FYCO1: variants seen among roughly 807,000 people sequenced by gnomAD.
FYCO1 encodes the protein FYVE and coiled-coil domain-containing protein 1.
FYCO1 carries 122 observed loss-of-function variants against 165.1 expected under a neutral mutation model. That is an observed-to-expected ratio of 0.74 (90% CI 0.64 to 0.86). The LOEUF is 0.86. Among genes scored for constraint, FYCO1 ranks in the 40% least tolerant of loss-of-function variants. The pLI is 0.00. For missense variants in FYCO1, 1,702 were observed against 1,810.3 expected, an observed-to-expected ratio of 0.94 and a Z score of 1.09; for synonymous variants, 648 against 742.5, an observed-to-expected ratio of 0.87 and a Z score of 2.07.
At chr3:45,991,302 CT>C (rs1707550612) in intron 1 of FYCO1, among the ~76,000 whole-genome samples, 1 of 152,190 alleles carries the variant, frequency 6.6e-6, no homozygotes, top group Non-Finnish European at 1.5e-5. Context: ...TCCACACTGC[CT>C]ACCTAGCCTC....
intron 8 of FYCO1, among the ~76,000 whole-genome samples, 170 bp from the exon 9 acceptor site, chr3:45,965,295 T>C (rs1181122936): frequency 6.6e-6 from 1 of 152,254 alleles, no homozygotes; most frequent in Non-Finnish European, 1.5e-5. Context: ...TCAAGCTTAC[T>C]AAGAAAAGAG....
rs754489629 is a variant in FYCO1 at position 45,969,721 on chromosome 3, G to C, written c.584C>G (p.Pro195Arg). The C allele has an allele frequency of 6.2e-7, 1 of 1,614,012 alleles. No individual in the cohort carries two copies. The highest frequency in any genetic ancestry group is 1.3e-5 in the African/African-American group (1 of 75,040). ...TGSSAYLWKP[P>R]SRSSSMSSLV... is the part of the protein sequence containing the mutation. Reference sequence around the variant, plus strand: ...GCTGCTCATGCTGGAGCTGCGGCTAGGGGGTTTCCACAGGTAAGCAGAAGA... The same window carrying C: ...GCTGCTCATGCTGGAGCTGCGGCTACGGGGTTTCCACAGGTAAGCAGAAGA... Residue 195 changes from proline to arginine, a missense_variant, in exon 7 of 18, where the codon CCT (proline) becomes CGT (arginine). By Grantham distance (103) the Pro-to-Arg change is moderately radical. Transcript: ENST00000296137.
intron 17 of FYCO1, among the ~76,000 whole-genome samples, chr3:45,922,547 T>C (rs1703132729): frequency 6.6e-6 from 1 of 152,234 alleles, no homozygotes; most frequent in African/African-American, 2.4e-5. Flanking sequence ...GGGGCTCATG[T>C]CCACTCTTGG....
intron 1 of FYCO1, among the ~76,000 whole-genome samples, chr3:45,992,745 G>T (rs1646467702): frequency 6.6e-6 from 1 of 152,162 alleles, no homozygotes; most frequent in Non-Finnish European, 1.5e-5. Context: ...GCTTCTAAGT[G>T]TCCCCTCCCT....
chr3:45,921,582 G>T lies in FYCO1; in HGVS notation c.*183C>A, dbSNP rs1330394685. On this transcript the variant is annotated 3_prime_UTR_variant, in exon 18 of 18. Transcript: ENST00000296137. ...GCCTGAGCCCTTCAACGCCTCGGGGGCTAAGAGTGGCCGGTGCAGAGTGCT... is the reference window on the plus strand; with the variant it reads ...GCCTGAGCCCTTCAACGCCTCGGGGTCTAAGAGTGGCCGGTGCAGAGTGCT... 2 of 631,866 alleles carry T rather than the reference G, an allele frequency of 3.2e-6. No individual in the cohort carries two copies. Among genetic ancestry groups the T allele is most frequent in the African/African-American group, 3.6e-5 (2 of 55,122 alleles). 39.1% of individuals were successfully genotyped at this position (631,866 alleles called of 1,614,324 possible).
rs370891617 is a variant in FYCO1 at position 45,966,747 on chromosome 3, C to A, written c.2587G>T (p.Ala863Ser). 1.9e-6 allele frequency: 3 copies of A among 1,610,852 alleles called. No homozygotes were observed. Among genetic ancestry groups the A allele is most frequent in the Non-Finnish European group, 2.5e-6 (3 of 1,179,952 alleles). Reference sequence around the variant, plus strand: ...CGCAGCTCCTCCTCCCTCTGCTGGGCCTCATCGGCCCTCTCCTCCTGCAGT... The same window carrying A: ...CGCAGCTCCTCCTCCCTCTGCTGGGACTCATCGGCCCTCTCCTCCTGCAGT... ...GALQEERADE[A>S]QQREEELRAL... Residue 863 changes from alanine (A) to serine (S), a missense_variant, in exon 8 of 18, where the codon GCC becomes TCC. Transcript: ENST00000296137.
intron 5 of FYCO1, among the ~76,000 whole-genome samples, 155 bp from the exon 6 acceptor site, chr3:45,973,386 C>T (rs1163826002): frequency 3.3e-5 from 5 of 152,196 alleles, no homozygotes; most frequent in Non-Finnish European, 7.3e-5. Context: ...GGTAGAAGAA[C>T]ATAACTCTCA....
intron 1 of FYCO1, among the ~76,000 whole-genome samples, chr3:45,995,314 A>C (rs537515081): frequency 6.6e-6 from 1 of 152,364 alleles, no homozygotes; most frequent in African/African-American, 2.4e-5. Flanking sequence ...TCCCGGCCCA[A>C]CTGGGCCAGA....
At chr3:45,926,858 G>A (rs1703342837) in intron 16 of FYCO1, among the ~76,000 whole-genome samples, 1 of 152,094 alleles carries the variant, frequency 6.6e-6, no homozygotes, top group Non-Finnish European at 1.5e-5. Context: ...CAGCTACTTG[G>A]GAGGCTGAGG....
intron 2 of FYCO1, among the ~76,000 whole-genome samples, chr3:45,984,227 GC>G (rs1204542711): frequency 6.6e-6 from 1 of 152,196 alleles, no homozygotes; most frequent in Non-Finnish European, 1.5e-5. Context: ...GGAATTTGCA[GC>G]CAAAAAGAAA....
chr3:45,955,436 C>T (rs756514004), intron 13 of FYCO1, 43 bp from the exon 14 acceptor site: 1 of 1,612,138 alleles, frequency 6.2e-7, no homozygotes, highest in Admixed American at 1.7e-5. Flanking sequence ...ACACAACACA[C>T]TGTTATGCAT....
intron 5 of FYCO1, among the ~76,000 whole-genome samples, chr3:45,973,688 G>A (rs1706573939): frequency 1.3e-5 from 2 of 152,124 alleles, no homozygotes; most frequent in Non-Finnish European, 1.5e-5. Flanking sequence ...GTAAGACAGG[G>A]TGAGAAAAAA....
At chr3:45,995,402 C>G (rs1420561022) in intron 1 of FYCO1, among the ~76,000 whole-genome samples, 3 of 152,246 alleles carry the variant, frequency 2.0e-5, no homozygotes, top group Non-Finnish European at 2.9e-5. Flanking sequence ...CAGGCTTGTT[C>G]TGAGACGCCG....
At chr3:45,936,795 G>A (rs1703917487) in intron 14 of FYCO1, among the ~76,000 whole-genome samples, 1 of 152,130 alleles carries the variant, frequency 6.6e-6, no homozygotes, top group Middle Eastern at 3.2e-3. Context: ...CTGTAGGGAA[G>A]ATACCTCCTG....
intron 11 of FYCO1, among the ~76,000 whole-genome samples, chr3:45,961,639 T>C (rs968973300): frequency 1.3e-5 from 2 of 151,982 alleles, no homozygotes; most frequent in Non-Finnish European, 2.9e-5. Flanking sequence ...GAGGTACATA[T>C]TGAAATATTT....
intron 1 of FYCO1, among the ~76,000 whole-genome samples, chr3:45,991,020 C>T (rs185159068): frequency 4.5e-4 from 68 of 152,248 alleles, no homozygotes; most frequent in Non-Finnish European, 4.9e-4. Context: ...CCTCGTGATC[C>T]ACCCGCCTTG....
chr3:45,918,253 A>T lies in FYCO1; in HGVS notation c.*3512T>A, dbSNP rs35867098. The T allele has an allele frequency of 3.3e-4, 50 of 152,530 alleles. No individual in the cohort carries two copies. The highest frequency in any genetic ancestry group is 1.0e-3 in the South Asian group (5 of 4,826). 9.4% of individuals were successfully genotyped at this position (152,530 alleles called of 1,614,324 possible). On this transcript the variant is annotated 3_prime_UTR_variant, in exon 18 of 18. Transcript: ENST00000296137. ...CATCAAGCAGCCTTTTTCTTTTTTT[A>T]AATCAGAGATGCCTCCCCAAATTTC...
At chr3:45,933,921 T>A (rs1227670313) in intron 15 of FYCO1, among the ~76,000 whole-genome samples, 7 of 151,942 alleles carry the variant, frequency 4.6e-5, no homozygotes, top group Admixed American at 1.3e-4. Context: ...GGAAAACTCA[T>A]ACCAAAGAAA....
chr3:45,921,612 AC>A lies in FYCO1; in HGVS notation c.*152del. 1 of 683,862 alleles carries A rather than the reference AC, an allele frequency of 1.5e-6. No individual in the cohort carries two copies. The allele number at this position is 683,862 out of a possible 1,614,324, so 42.4% of individuals were successfully genotyped here. A position where few individuals can be genotyped will look rare whatever the true frequency, so the allele number is the denominator to read the frequency against. ...GAGTGGCCGGTGCAGAGTGCTGAGC[AC>A]AAAGTCCTCCCCAGACACCGCCTCT... is the stretch of plus-strand genomic sequence containing the variant. On this transcript the variant is annotated 3_prime_UTR_variant, in exon 18 of 18. Coordinates refer to ENST00000296137, the MANE Select transcript of FYCO1 (RefSeq NM_024513.4).
Sources: gnomAD v4.1 joint callset for allele counts (sites outside exome capture counted in the v4.1 genomes callset) on GRCh38, gnomAD v4.1.1 for gene constraint, MANE v1.5 for transcripts, NCBI Gene and HGNC (gene_info 2026-07-23, HGNC 2026-07-21) for gene names.